LRP1B: variants seen among roughly 807,000 people sequenced by gnomAD.
LRP1B encodes low-density lipoprotein receptor-related protein 1B.
In LRP1B, 217 loss-of-function variants were observed where a neutral mutation model predicts 556.6. That is an observed-to-expected ratio of 0.39 (90% CI 0.35 to 0.44). The LOEUF (loss-of-function observed/expected upper bound fraction) is 0.44, where lower values mean the gene tolerates loss of function less well. Ranked by LOEUF, LRP1B falls within the 20% of genes least tolerant of loss-of-function variation. The pLI is 1.00. For missense variants in LRP1B, 5,053 were observed against 5,620.8 expected (o/e 0.90, Z 3.23); for synonymous variants, 2,047 against 1,865.8 (o/e 1.10, Z -2.50).
chr2:140,920,530 G>A (rs1307037705), intron 21 of LRP1B, among the ~76,000 whole-genome samples: 4 of 151,936 alleles, frequency 2.6e-5, no homozygotes, highest in Admixed American at 2.6e-4. Context: ...TTGTAAAACT[G>A]AGAATTTAAA....
chr2:141,379,245 C>A (rs570394424), intron 3 of LRP1B, among the ~76,000 whole-genome samples: 1 of 152,206 alleles, frequency 6.6e-6, no homozygotes, highest in East Asian at 1.9e-4. Context: ...AATCTGCAAA[C>A]AGGAATTGCA....
At chr2:141,683,212 A>G (rs779980392) in intron 2 of LRP1B, among the ~76,000 whole-genome samples, 137 of 152,266 alleles carry the variant, frequency 9.0e-4, no homozygotes, top group South Asian at 1.2e-3. Context: ...GAATTTGGTA[A>G]TGGGAAAAAG....
At chr2:141,061,705 A>G (rs1699340913) in intron 8 of LRP1B, among the ~76,000 whole-genome samples, 1 of 151,836 alleles carries the variant, frequency 6.6e-6, no homozygotes, top group Non-Finnish European at 1.5e-5. Flanking sequence ...CTCCTCATGA[A>G]TGAACTACTT....
intron 3 of LRP1B, among the ~76,000 whole-genome samples, chr2:141,399,037 C>G (rs1161716440): frequency 6.6e-6 from 1 of 152,140 alleles, no homozygotes; most frequent in Non-Finnish European, 1.5e-5. Flanking sequence ...GGGCAGATCA[C>G]TTGAGATCAG....
At chr2:141,645,536 A>G (rs1449895647) in intron 2 of LRP1B, among the ~76,000 whole-genome samples, 1 of 108,532 alleles carries the variant, frequency 9.2e-6, no homozygotes, top group Non-Finnish European at 1.8e-5. Context: ...TACTCTTTCC[A>G]TTTCTCCAAA....
At chr2:141,649,507 C>A (rs1689706343) in intron 2 of LRP1B, among the ~76,000 whole-genome samples, 2 of 152,184 alleles carry the variant, frequency 1.3e-5, no homozygotes, top group Admixed American at 6.5e-5. Context: ...AAGAAAAATG[C>A]TCAAGATATC....
intron 84 of LRP1B, 81 bp from the exon 85 acceptor site, chr2:140,274,679 ATTTATT>A: frequency 8.9e-7 from 1 of 1,119,710 alleles, no homozygotes; most frequent in South Asian, 1.6e-5. Flanking sequence ...TGACCCTTTC[ATTTATT>A]ACTTAAAAAT....
chr2:141,475,291 T>C (rs987694122), intron 3 of LRP1B, among the ~76,000 whole-genome samples: 4 of 152,078 alleles, frequency 2.6e-5, no homozygotes, highest in African/African-American at 9.7e-5. Context: ...CATTTAAACC[T>C]GGGAGGGGGA....
Position 140,859,405 on chromosome 2 carries a change from A to AT in LRP1B, c.4580-7623dup, listed in dbSNP as rs574186558. ...ATCAATAATATTCTTAAAATATAAC[A>AT]TTTTTTATTGTGAAATAAGCTTATC... On this transcript the variant is annotated intron_variant, in intron 27 of 90. Transcript: ENST00000389484. Among the ~76,000 whole-genome samples the AT allele has an allele frequency of 1.7e-3, 254 of 152,136 alleles. 1 individual carries two copies. The highest frequency in any genetic ancestry group is 5.8e-3 in the African/African-American group (241 of 41,504).
chr2:140,669,101 A>T (rs1215781891), intron 41 of LRP1B, among the ~76,000 whole-genome samples: 1 of 152,200 alleles, frequency 6.6e-6, no homozygotes, highest in Non-Finnish European at 1.5e-5. Context: ...AGAACTGGGT[A>T]TCAGGGTATC....
At chr2:140,660,602 G>A (rs1177843139) in intron 41 of LRP1B, among the ~76,000 whole-genome samples, 2 of 152,002 alleles carry the variant, frequency 1.3e-5, no homozygotes, top group Non-Finnish European at 2.9e-5. Flanking sequence ...TGAGTCTCAT[G>A]TGCAACTTTC....
chr2:141,824,164 A>G (rs1333383141), intron 1 of LRP1B, among the ~76,000 whole-genome samples: 1 of 152,196 alleles, frequency 6.6e-6, no homozygotes, highest in Non-Finnish European at 1.5e-5. Context: ...TGTGGGAGAT[A>G]AATAACAGCT....
chr2:141,931,636 G>A (rs1700509308), intron 1 of LRP1B, among the ~76,000 whole-genome samples: 2 of 151,912 alleles, frequency 1.3e-5, no homozygotes. Context: ...AGAAGAAATT[G>A]AGGGTTTAAA....
At chr2:140,309,647 A>G (rs1684210555) in intron 83 of LRP1B, among the ~76,000 whole-genome samples, 1 of 151,818 alleles carries the variant, frequency 6.6e-6, no homozygotes, top group Non-Finnish European at 1.5e-5. Flanking sequence ...CATGATCCTG[A>G]CAATATTTTA....
intron 25 of LRP1B, among the ~76,000 whole-genome samples, chr2:140,869,775 T>G (rs1241462456): frequency 6.6e-6 from 1 of 151,956 alleles, no homozygotes; most frequent in Non-Finnish European, 1.5e-5. Flanking sequence ...GGAAGGATAT[T>G]GTGTATAGGG....
intron 49 of LRP1B, among the ~76,000 whole-genome samples, chr2:140,517,674 T>G (rs907367253): frequency 1.1e-4 from 16 of 150,956 alleles, no homozygotes; most frequent in African/African-American, 3.9e-4. Flanking sequence ...ATTTTAACCT[T>G]CAAGAGTACA....
At chr2:141,166,622 C>T (rs1680274478) in intron 7 of LRP1B, among the ~76,000 whole-genome samples, 2 of 151,498 alleles carry the variant, frequency 1.3e-5, no homozygotes, top group South Asian at 4.2e-4. Flanking sequence ...AATACTAGAT[C>T]CTATGCATTC....
At chr2:141,828,508 C>G (rs188175434) in intron 1 of LRP1B, among the ~76,000 whole-genome samples, 6 of 152,066 alleles carry the variant, frequency 3.9e-5, no homozygotes, top group Non-Finnish European at 7.4e-5. Flanking sequence ...CTATAAAGAA[C>G]GGAGAAAAGA....
intron 7 of LRP1B, among the ~76,000 whole-genome samples, chr2:141,122,616 A>ATC (rs1701088609): frequency 6.6e-6 from 1 of 152,094 alleles, no homozygotes; most frequent in Non-Finnish European, 1.5e-5. Context: ...GCTGGGGAGG[A>ATC]TGTGGAGAAA....
Sources: gnomAD v4.1 joint callset for allele counts (sites outside exome capture counted in the v4.1 genomes callset) on GRCh38, gnomAD v4.1.1 for gene constraint, MANE v1.5 for transcripts, NCBI Gene and HGNC (gene_info 2026-07-23, HGNC 2026-07-21) for gene names.